AKAP6: variants seen among roughly 807,000 people sequenced by gnomAD.
AKAP6 encodes the protein A-kinase anchoring protein 6, also known as A-kinase anchor protein 6.
Under a neutral mutation model 188.5 loss-of-function variants are expected in AKAP6, and 58 were observed. The ratio of observed to expected loss-of-function variants is 0.31; its 90% CI spans 0.25 to 0.38. The LOEUF (loss-of-function observed/expected upper bound fraction) is 0.38. Among genes scored for constraint, AKAP6 ranks in the 10% least tolerant of loss-of-function variants. The pLI, the probability that AKAP6 is intolerant of heterozygous loss-of-function variation, is 1.00. For missense variants in AKAP6, 2,710 were observed against 2,740.0 expected (o/e 0.99, Z 0.24); for synonymous variants, 989 against 998.6 (o/e 0.99, Z 0.18).
At chr14:32,589,395 T>C (rs1182147734) in intron 5 of AKAP6, among the ~76,000 whole-genome samples, 1 of 152,210 alleles carries the variant, frequency 6.6e-6, no homozygotes, top group Non-Finnish European at 1.5e-5. Flanking sequence ...CTTCCTTTGG[T>C]GGCACAGGGA....
At chr14:32,583,295 A>T (rs1357544680) in intron 5 of AKAP6, among the ~76,000 whole-genome samples, 1 of 152,214 alleles carries the variant, frequency 6.6e-6, no homozygotes, top group African/African-American at 2.4e-5. Flanking sequence ...CGGTGGCTGC[A>T]GAACAGCGGA....
At chr14:32,543,942 G>T (rs1000737938) in intron 3 of AKAP6, among the ~76,000 whole-genome samples, 1 of 152,186 alleles carries the variant, frequency 6.6e-6, no homozygotes, top group Non-Finnish European at 1.5e-5. Context: ...GCTTAGAAAA[G>T]TTAAATAAGG....
chr14:32,776,136 C>T (rs1244955729), intron 12 of AKAP6, among the ~76,000 whole-genome samples: 1 of 152,172 alleles, frequency 6.6e-6, no homozygotes, highest in Non-Finnish European at 1.5e-5. Context: ...TATCATATGT[C>T]CCCACTCCCA....
chr14:32,545,535 A>C lies in AKAP6; in HGVS notation c.882A>C (p.Val294=). 1.2e-6 allele frequency: 2 copies of C among 1,614,210 alleles called. No individual in the cohort carries two copies. Among genetic ancestry groups the C allele is most frequent in the Non-Finnish European group, 1.7e-6 (2 of 1,180,020 alleles). ...GCAGTGAAGCAGTTACTGAGGAGGT[A>C]TCTCAAGTATCTCTCTCAGTAGACG... is the stretch of plus-strand genomic sequence containing the variant. ...TNGSEAVTEE[V]SQVSLSVDDK... Residue 294 remains valine (V), a synonymous_variant, in exon 4 of 14, where the codon GTA becomes GTC. Transcript: ENST00000280979.
Position 32,545,864 on chromosome 14 carries a change from A to T in AKAP6, c.1211A>T (p.Asp404Val). 6.2e-7 allele frequency: 1 copy of T among 1,614,216 alleles called. No homozygotes were observed. Among genetic ancestry groups the T allele is most frequent in the Non-Finnish European group, 8.5e-7 (1 of 1,180,026 alleles). The change falls in exon 4 of 14, where the codon GAT (aspartate) becomes GTT (valine). Residue 404 changes from aspartate to valine, a missense_variant. Coordinates refer to ENST00000280979, the MANE Select transcript of AKAP6 (RefSeq NM_004274.5). ...CTTAAAGAGGAAACTTTTAAGAATG[A>T]TCTGAAAGGCAATGGTGGAAAGAGG... ...LFLKEETFKN[D>V]LKGNGGKRQM...
At chr14:32,577,067 A>G (rs1884753237) in intron 4 of AKAP6, 53 bp from the exon 5 acceptor site, 2 of 1,574,020 alleles carry the variant, frequency 1.3e-6, no homozygotes, top group African/African-American at 2.8e-5. Context: ...CAGAATAACC[A>G]ACTAACATGC....
Position 32,831,380 on chromosome 14 carries a change from C to T in AKAP6, c.*1575C>T, listed in dbSNP as rs966080829. The T allele has an allele frequency of 6.6e-6, 1 of 152,096 alleles. No homozygotes were observed. The highest frequency in any genetic ancestry group is 2.4e-5 in the African/African-American group (1 of 41,402). The allele number at this position is 152,096 out of a possible 1,614,324, so 9.4% of individuals were successfully genotyped here. ...AATTAGGTGACATGGTGACATCTAT[C>T]CCTTTATTTTGACACTAAAACATGG... is the stretch of plus-strand genomic sequence containing the variant. On this transcript the variant is annotated 3_prime_UTR_variant, in exon 14 of 14. Transcript: ENST00000280979.
At chr14:32,562,341 T>A (rs1883990909) in intron 4 of AKAP6, among the ~76,000 whole-genome samples, 1 of 152,166 alleles carries the variant, frequency 6.6e-6, no homozygotes, top group African/African-American at 2.4e-5. Context: ...TAATTGGAGA[T>A]CTAATACTCT....
In AKAP6 at chr14:32,832,381, C is replaced by T. The variant is rs901077164; in HGVS notation, c.*2576C>T. The T allele has an allele frequency of 2.0e-5, 3 of 152,266 alleles. No individual in the cohort carries two copies. The highest frequency in any genetic ancestry group is 4.4e-5 in the Non-Finnish European group (3 of 68,016). 9.4% of individuals were successfully genotyped at this position (152,266 alleles called of 1,614,324 possible). ...GTCAAGTCTACATCGACTGGTAAAA[C>T]ATTCAAAGAACAAACTGACAATGAT... On this transcript the variant is annotated 3_prime_UTR_variant, in exon 14 of 14. Transcript: ENST00000280979.
Position 32,546,295 on chromosome 14 carries a change from T to C in AKAP6, c.1642T>C (p.Ser548Pro), listed in dbSNP as rs1883195068. 6.2e-7 allele frequency: 1 copy of C among 1,614,018 alleles called. No individual in the cohort carries two copies. Among genetic ancestry groups the C allele is most frequent in the Admixed American group, 1.7e-5 (1 of 59,996 alleles). The change falls in exon 4 of 14, where the codon TCT becomes CCT. Residue 548 changes from serine to proline, a missense_variant. This residue lies in a region of AKAP6 where 2,473 missense variants were observed against 2,426.1 expected (regional missense o/e 1.02). Coordinates refer to ENST00000280979, the MANE Select transcript of AKAP6 (RefSeq NM_004274.5). ...SKAIEGPQTN[S>P]ASTSSLEPCN... is the part of the protein sequence containing the mutation. ...GGCCATAGAGGGGCCACAAACAAAT[T>C]CTGCTTCCACATCCTCACTTGAGCC... is the stretch of plus-strand genomic sequence containing the variant.
intron 1 of AKAP6, among the ~76,000 whole-genome samples, chr14:32,430,861 C>T (rs1294596641): frequency 2.0e-5 from 3 of 152,026 alleles, no homozygotes; most frequent in Non-Finnish European, 4.4e-5. Flanking sequence ...AATCCCAGCA[C>T]TTTGGGAGGC....
At chr14:32,470,998 A>G (rs1259656190) in intron 2 of AKAP6, among the ~76,000 whole-genome samples, 1 of 152,222 alleles carries the variant, frequency 6.6e-6, no homozygotes, top group Non-Finnish European at 1.5e-5. Context: ...GGATAGACTT[A>G]GAAACCTAAC....
intron 1 of AKAP6, among the ~76,000 whole-genome samples, chr14:32,416,594 G>A (rs910172340): frequency 3.3e-5 from 5 of 151,714 alleles, no homozygotes; most frequent in East Asian, 3.9e-4. Flanking sequence ...CTTTTCTGTC[G>A]CCCAGGCTGG....
At chr14:32,763,009 T>C (rs2032590518) in intron 11 of AKAP6, among the ~76,000 whole-genome samples, 1 of 152,148 alleles carries the variant, frequency 6.6e-6, no homozygotes, top group Non-Finnish European at 1.5e-5. Context: ...TTATTTTAAA[T>C]GGTTATAAGA....
chr14:32,749,867 G>A (rs1000433551), intron 11 of AKAP6, among the ~76,000 whole-genome samples: 6 of 152,174 alleles, frequency 3.9e-5, no homozygotes, highest in Non-Finnish European at 8.8e-5. Context: ...TAGGTAACTT[G>A]AAGTCCTTCA....
intron 2 of AKAP6, among the ~76,000 whole-genome samples, chr14:32,519,215 G>A (rs1181074673): frequency 5.9e-5 from 9 of 152,076 alleles, no homozygotes; most frequent in Non-Finnish European, 1.2e-4. Flanking sequence ...GGAAAGGAAC[G>A]ACCAGTACCA....
chr14:32,339,341 C>T (rs1243653142), intron 1 of AKAP6, among the ~76,000 whole-genome samples: 1 of 152,122 alleles, frequency 6.6e-6, no homozygotes, highest in Non-Finnish European at 1.5e-5. Context: ...TTGAGTTATT[C>T]TTGCTATTCC....
Position 32,837,440 on chromosome 14 carries a change from A to C in AKAP6, c.*7635A>C, listed in dbSNP as rs1394201953. On this transcript the variant is annotated 3_prime_UTR_variant, in exon 14 of 14. Transcript: ENST00000280979. ...GGCATTAGGAACATAAAAATGCATA[A>C]GATCCTCTTTTAAATCCCAATATTC... The C allele has an allele frequency of 6.6e-6, 1 of 152,218 alleles. No individual in the cohort carries two copies. Among genetic ancestry groups the C allele is most frequent in the African/African-American group, 2.4e-5 (1 of 41,460 alleles). 9.4% of individuals were successfully genotyped at this position (152,218 alleles called of 1,614,324 possible).
chr14:32,507,282 C>T (rs1201739213), intron 2 of AKAP6, among the ~76,000 whole-genome samples: 2 of 152,172 alleles, frequency 1.3e-5, no homozygotes, highest in Non-Finnish European at 2.9e-5. Flanking sequence ...TTGCACAAGG[C>T]ACAGTAGTAA....
Sources: allele counts gnomAD v4.1 joint callset (sites outside exome capture counted in the v4.1 genomes callset), GRCh38; gene constraint gnomAD v4.1.1; regional missense constraint gnomAD v4.1.1; transcripts MANE v1.5; gene names NCBI Gene and HGNC (gene_info 2026-07-23, HGNC 2026-07-21).